Variants in SIX2 observed in about 807,000 individuals in gnomAD.
The protein encoded by SIX2 is SIX homeobox 2.
Under a neutral mutation model 22.8 loss-of-function variants are expected in SIX2, and 20 were observed. That is an observed-to-expected ratio of 0.88 (90% CI 0.62 to 1.28). SIX2 has a LOEUF of 1.28. Ranked by LOEUF, SIX2 falls within the 50% of genes most tolerant of loss-of-function variation. SIX2 has a pLI of 0.00. For synonymous variants in SIX2, 195 were observed against 186.4 expected, an observed-to-expected ratio of 1.05 and a Z score of -0.37; for missense variants, 360 against 400.0, an observed-to-expected ratio of 0.90 and a Z score of 0.85.
In SIX2 at chr2:45,006,212, G is replaced by A. The variant is rs1437494866; in HGVS notation, c.834C>T (p.Ile278=). The change falls in exon 2 of 2, where the codon ATC becomes ATT. Residue 278 remains isoleucine, a synonymous_variant. Transcript: ENST00000303077. This position sits in a 1 kb window ranked among gnomAD's most constrained non-coding sequence, Gnocchi z 4.2. ...CGAGGTTGGCTGACATGGGGTTGAG[G>A]ATGGAGTCCTGCAGGCCATGGTGGT... ...LQHHHGLQDS[I]LNPMSANLVD... 8.7e-6 allele frequency: 14 copies of A among 1,614,132 alleles called. No individual in the cohort carries two copies. In the Admixed American group the frequency reaches 1.0e-4, roughly 12 times the overall value.
In SIX2 at chr2:45,006,295, C is replaced by T. The variant is rs747669139; in HGVS notation, c.751G>A (p.Gly251Ser). The T allele has an allele frequency of 1.2e-6, 2 of 1,613,856 alleles. No individual in the cohort carries two copies. The highest frequency in any genetic ancestry group is 1.7e-5 in the Admixed American group (1 of 59,988). ...PSLHSLGHPP[G>S]PSAVPVPVPG... ...ACCGGCACTGGCACTGCGCTGGGGCCCGGAGGGTGGCCCAGGCTGTGCAGG... is the reference window on the plus strand; with the variant it reads ...ACCGGCACTGGCACTGCGCTGGGGCTCGGAGGGTGGCCCAGGCTGTGCAGG... The change falls in exon 2 of 2, where the codon GGC becomes AGC. Residue 251 changes from glycine (G) to serine (S), a missense_variant. By Grantham distance (56) the Gly-to-Ser change is moderately conservative. Coordinates refer to ENST00000303077, the MANE Select transcript of SIX2 (RefSeq NM_016932.5). This position sits in a 1 kb window ranked among gnomAD's most constrained non-coding sequence, Gnocchi z 4.2.
At position 45,006,088 on chromosome 2, in the gene SIX2, G is replaced by A; in HGVS notation, c.*82C>T. ...TCTTTCAGTACCTGGTGGGGCCGCA[G>A]GGGCGGGGCGCCCCTGGACACCGCC... is the stretch of plus-strand genomic sequence containing the variant. On this transcript the variant is annotated 3_prime_UTR_variant, in exon 2 of 2. Transcript: ENST00000303077. This position sits in a 1 kb window ranked among gnomAD's most constrained non-coding sequence, Gnocchi z 4.2. 6.7e-7 allele frequency: 1 copy of A among 1,495,420 alleles called. No homozygotes were observed. The highest frequency in any genetic ancestry group is 9.3e-7 in the Non-Finnish European group (1 of 1,071,974). 92.6% of individuals were successfully genotyped at this position (1,495,420 alleles called of 1,614,324 possible). A position where few individuals can be genotyped will look rare whatever the true frequency, so the allele number is the denominator to read the frequency against.
Position 45,009,137 on chromosome 2 carries a change from G to A in SIX2, c.-27C>T, listed in dbSNP as rs113836842. Reference sequence around the variant, plus strand: ...GTGCCGGCTGCGTCCCCGCCCGCCCGCGCGCGCCCTCACCGGGCCGCGCGG... The same window carrying A: ...GTGCCGGCTGCGTCCCCGCCCGCCCACGCGCGCCCTCACCGGGCCGCGCGG... On this transcript the variant is annotated 5_prime_UTR_variant, in exon 1 of 2. Transcript: ENST00000303077. 0.031 allele frequency: 47,885 copies of A among 1,521,648 alleles called. 878 individuals are homozygous for A. The highest frequency in any genetic ancestry group is 0.052 in the Middle Eastern group (222 of 4,292). The allele number at this position is 1,521,648 out of a possible 1,614,324, so 94.3% of individuals were successfully genotyped here.
rs989132995 is a variant in SIX2 at position 45,008,436 on chromosome 2, T to A, written c.560+115A>T. On this transcript the variant is annotated intron_variant, in intron 1 of 1. Transcript: ENST00000303077. ...AAGTCAGGCCGGGCTGCCGCTGGGC[T>A]GTGGCCGGGCCTGGGGGCCCAGTTT... 2.9e-5 allele frequency: 32 copies of A among 1,112,562 alleles called. No individual in the cohort carries two copies. In the African/African-American group the frequency reaches 4.6e-4, roughly 16 times the overall value. 68.9% of individuals were successfully genotyped at this position (1,112,562 alleles called of 1,614,324 possible). A position where few individuals can be genotyped will look rare whatever the true frequency, so the allele number is the denominator to read the frequency against.
intron 1 of SIX2, among the ~76,000 whole-genome samples, chr2:45,007,868 G>T (rs1301935520): frequency 6.6e-6 from 1 of 152,106 alleles, no homozygotes; most frequent in African/African-American, 2.4e-5. Flanking sequence ...CAGAGGTAGG[G>T]CCTAAGGAGA....
In SIX2 at chr2:45,006,697, C is replaced by T. The variant is rs1186161116; in HGVS notation, c.561-212G>A. ...ATCTCTCAACACCCAATTTCTCTTG[C>T]CCCTCTGCCCTTATCGTCCCCACCT... On this transcript the variant is annotated intron_variant, in intron 1 of 1. Coordinates refer to ENST00000303077, the MANE Select transcript of SIX2 (RefSeq NM_016932.5). The surrounding 1 kb of genome is among the most constrained non-coding windows in gnomAD (Gnocchi z 4.2). Among the ~76,000 whole-genome samples the T allele has an allele frequency of 6.6e-6, 1 of 152,210 alleles. No homozygotes were observed. Among genetic ancestry groups the T allele is most frequent in the Non-Finnish European group, 1.5e-5 (1 of 68,032 alleles).
At chr2:45,007,587 C>A (rs1365773651) in intron 1 of SIX2, among the ~76,000 whole-genome samples, 1 of 152,082 alleles carries the variant, frequency 6.6e-6, no homozygotes, top group Non-Finnish European at 1.5e-5. Flanking sequence ...AGCACCCTCA[C>A]CTCTGACCCT....
rs1459896408 is a variant in SIX2 at position 45,006,226 on chromosome 2, G to A, written c.820C>T (p.Leu274=). ...ATGGGGTTGAGGATGGAGTCCTGCA[G>A]GCCATGGTGGTGTTGCAGTGGGTCC... ...GADPLQHHHG[L]QDSILNPMSA... is the part of the protein sequence containing the mutation. Residue 274 remains leucine (L), a synonymous_variant, in exon 2 of 2, where the codon CTG becomes TTG. Transcript: ENST00000303077. This position sits in a 1 kb window ranked among gnomAD's most constrained non-coding sequence, Gnocchi z 4.2. The A allele has an allele frequency of 6.2e-7, 1 of 1,614,268 alleles. No homozygotes were observed. The highest frequency in any genetic ancestry group is 8.5e-7 in the Non-Finnish European group (1 of 1,180,044).
In SIX2 at chr2:45,009,323, C is replaced by T. The variant is rs1667831956; in HGVS notation, c.-213G>A. ...CTCCGAACCCCAACGGCCCGCGCGC[C>T]TGGCCCAAGCCCTCGCCCAAGCCCG... is the stretch of plus-strand genomic sequence containing the variant. On this transcript the variant is annotated 5_prime_UTR_variant, in exon 1 of 2. Transcript: ENST00000303077. 4.3e-6 allele frequency: 1 copy of T among 234,762 alleles called. No individual in the cohort carries two copies. Among genetic ancestry groups the T allele is most frequent in the Non-Finnish European group, 7.7e-6 (1 of 129,056 alleles). The allele number at this position is 234,762 out of a possible 1,614,324, so 14.5% of individuals were successfully genotyped here.
At chr2:45,008,217 A>G (rs1011295553) in intron 1 of SIX2, among the ~76,000 whole-genome samples, 1 of 152,246 alleles carries the variant, frequency 6.6e-6, no homozygotes, top group Non-Finnish European at 1.5e-5. Context: ...TGTCCTGAGG[A>G]TGACCAGACC....
chr2:45,008,546 C>G lies in SIX2; in HGVS notation c.560+5G>C. ...TGGCGCCGAAGAAGGTCTACTTACT[C>G]GTACCTTTCCTTGGCCTCGGCCGCC... is the stretch of plus-strand genomic sequence containing the variant. On this transcript the variant is annotated splice_donor_5th_base_variant and intron_variant, in intron 1 of 1. Transcript: ENST00000303077. 6.2e-7 allele frequency: 1 copy of G among 1,613,200 alleles called. No homozygotes were observed. Among genetic ancestry groups the G allele is most frequent in the Non-Finnish European group, 8.5e-7 (1 of 1,179,866 alleles).
chr2:45,006,482 C>G lies in SIX2; in HGVS notation c.564G>C (p.Glu188Asp). The G allele has an allele frequency of 6.2e-7, 1 of 1,613,198 alleles. No homozygotes were observed. The highest frequency in any genetic ancestry group is 8.5e-7 in the Non-Finnish European group (1 of 1,180,020). The change falls in exon 2 of 2, where the codon GAG becomes GAC. Residue 188 changes from glutamate (E) to aspartate (D), a missense_variant. Around this residue, in one of 3 missense-constraint regions of SIX2, gnomAD observed 235 missense variants for 231.9 expected, o/e 1.01. Coordinates refer to ENST00000303077, the MANE Select transcript of SIX2 (RefSeq NM_016932.5). The surrounding 1 kb of genome is among the most constrained non-coding windows in gnomAD (Gnocchi z 4.2). ...RDRAAEAKERENNENSNSNSH... is the reference protein window; with the variant it reads ...RDRAAEAKERDNNENSNSNSH... ...TGTTAGAATTGGAGTTCTCGTTGTT[C>G]TCCCTGCAAGTGCGGGAGCAAAGCA... is the stretch of plus-strand genomic sequence containing the variant.
chr2:45,006,127 A>G lies in SIX2; in HGVS notation c.*43T>C. 1 of 1,603,380 alleles carries G rather than the reference A, an allele frequency of 6.2e-7. No individual in the cohort carries two copies. The highest frequency in any genetic ancestry group is 8.5e-7 in the Non-Finnish European group (1 of 1,170,062). The stretch of plus-strand genomic sequence containing the variant: ...CTGGACACCGCCACTCCACGTCCCC[A>G]GTGTCAAGTCACAAAAGGCAAGCTC... On this transcript the variant is annotated 3_prime_UTR_variant, in exon 2 of 2. Coordinates refer to ENST00000303077, the MANE Select transcript of SIX2 (RefSeq NM_016932.5). The surrounding 1 kb of genome is among the most constrained non-coding windows in gnomAD (Gnocchi z 4.2).
Position 45,006,616 on chromosome 2 carries a change from C to T in SIX2, c.561-131G>A, listed in dbSNP as rs944793678. ...CGGGCTTGTGGCCTGCGGGTGTTTTCGGTTTCTACCATTTCCTCGACCTGG... is the reference window on the plus strand; with the variant it reads ...CGGGCTTGTGGCCTGCGGGTGTTTTTGGTTTCTACCATTTCCTCGACCTGG... On this transcript the variant is annotated intron_variant, in intron 1 of 1. Transcript: ENST00000303077. The surrounding 1 kb of genome is among the most constrained non-coding windows in gnomAD (Gnocchi z 4.2). 2.9e-5 allele frequency: 25 copies of T among 865,142 alleles called. No homozygotes were observed. The Admixed American group carries it at 3.2e-4, about 11-fold the overall frequency. The allele number at this position is 865,142 out of a possible 1,614,324, so 53.6% of individuals were successfully genotyped here.
At chr2:45,007,068 G>T (rs1474457898) in intron 1 of SIX2, among the ~76,000 whole-genome samples, 2 of 152,208 alleles carry the variant, frequency 1.3e-5, no homozygotes, top group African/African-American at 4.8e-5. Flanking sequence ...GCTCCAAACT[G>T]GGCAGCCCTG....
At position 45,005,948 on chromosome 2, in the gene SIX2, A is replaced by C; in HGVS notation, c.*222T>G. ...TATTCCCTTCTGTGGTTCAAGACTC[A>C]GTCTCCAGCCCCAAAAGGATCCTAA... On this transcript the variant is annotated 3_prime_UTR_variant, in exon 2 of 2. Transcript: ENST00000303077. 1 of 641,388 alleles carries C rather than the reference A, an allele frequency of 1.6e-6. No individual in the cohort carries two copies. 39.7% of individuals were successfully genotyped at this position (641,388 alleles called of 1,614,324 possible).
Position 45,006,570 on chromosome 2 carries a change from C to T in SIX2, c.561-85G>A. On this transcript the variant is annotated intron_variant, in intron 1 of 1. Coordinates refer to ENST00000303077, the MANE Select transcript of SIX2 (RefSeq NM_016932.5). This position sits in a 1 kb window ranked among gnomAD's most constrained non-coding sequence, Gnocchi z 4.2. Reference sequence around the variant, plus strand: ...TCTCAGTCACAGTCAGAGCCAGCCACCAGCCTCGGGAGACAGATCCCGGGC... The same window carrying T: ...TCTCAGTCACAGTCAGAGCCAGCCATCAGCCTCGGGAGACAGATCCCGGGC... The T allele has an allele frequency of 7.5e-7, 1 of 1,327,890 alleles. No homozygotes were observed. The highest frequency in any genetic ancestry group is 1.1e-6 in the Non-Finnish European group (1 of 932,392). 82.3% of individuals were successfully genotyped at this position (1,327,890 alleles called of 1,614,324 possible).
At position 45,006,060 on chromosome 2, in the gene SIX2, G is replaced by T. The variant is rs899153734; in HGVS notation, c.*110C>A. The T allele has an allele frequency of 8.7e-7, 1 of 1,153,538 alleles. No homozygotes were observed. The highest frequency in any genetic ancestry group is 1.5e-5 in the African/African-American group (1 of 66,112). 71.5% of individuals were successfully genotyped at this position (1,153,538 alleles called of 1,614,324 possible). ...CGGCTGTTCTACCCGCTCAGCCTGC[G>T]GGTCTTTCAGTACCTGGTGGGGCCG... On this transcript the variant is annotated 3_prime_UTR_variant, in exon 2 of 2. Coordinates refer to ENST00000303077, the MANE Select transcript of SIX2 (RefSeq NM_016932.5). This position sits in a 1 kb window ranked among gnomAD's most constrained non-coding sequence, Gnocchi z 4.2.
In SIX2 at chr2:45,008,418, G is replaced by C. The variant is rs575812919; in HGVS notation, c.560+133C>G. 1.8e-4 allele frequency: 169 copies of C among 929,144 alleles called. No homozygotes were observed. In the Middle Eastern group the frequency reaches 2.2e-3, roughly 12 times the overall value. 57.6% of individuals were successfully genotyped at this position (929,144 alleles called of 1,614,324 possible). A position where few individuals can be genotyped will look rare whatever the true frequency, so the allele number is the denominator to read the frequency against. ...AAGGCCTAAGCATCGTCCAAGTCAG[G>C]CCGGGCTGCCGCTGGGCTGTGGCCG... On this transcript the variant is annotated intron_variant, in intron 1 of 1. Transcript: ENST00000303077.
Sources: gnomAD v4.1 joint callset for allele counts (sites outside exome capture counted in the v4.1 genomes callset) on GRCh38, gnomAD v4.1.1 for gene constraint, gnomAD v4.1.1 regional missense constraint, Gnocchi (gnomAD v3.1) non-coding constraint, MANE v1.5 for transcripts, NCBI Gene and HGNC (gene_info 2026-07-23, HGNC 2026-07-21) for gene names.